The following MYO9A variants were observed in gnomAD, a reference collection of about 807,000 sequenced individuals.
MYO9A encodes unconventional myosin-IXa.
A neutral mutation model predicts 293.3 loss-of-function variants in MYO9A; 103 were observed. That is an observed-to-expected ratio of 0.35 (90% CI 0.30 to 0.41). MYO9A has a LOEUF of 0.41. Ranked by LOEUF, MYO9A falls within the 10% of genes least tolerant of loss-of-function variation. The pLI is 1.00. For missense variants in MYO9A, 2,685 were observed against 3,033.0 expected (o/e 0.89, Z 2.69); for synonymous variants, 1,001 against 1,035.7 (o/e 0.97, Z 0.64).
chr15:72,100,532 C>T (rs929843543), intron 1 of MYO9A, among the ~76,000 whole-genome samples: 5 of 145,840 alleles, frequency 3.4e-5, no homozygotes, highest in Non-Finnish European at 6.0e-5. Context: ...TCTTTCCGGC[C>T]GCCATCACAT....
At chr15:71,984,740 T>A (rs924762807) in intron 11 of MYO9A, among the ~76,000 whole-genome samples, 12 of 152,216 alleles carry the variant, frequency 7.9e-5, no homozygotes, top group Admixed American at 7.9e-4. Flanking sequence ...TTCACAGTAC[T>A]TTTTAGTTCT....
intron 10 of MYO9A, among the ~76,000 whole-genome samples, chr15:71,992,475 G>A (rs1263664836): frequency 3.9e-5 from 6 of 152,154 alleles, no homozygotes; most frequent in Non-Finnish European, 7.4e-5. Context: ...CCTGTACTAA[G>A]AGTATTTTGT....
At chr15:72,108,062 CTTAA>C (rs1361730361) in intron 1 of MYO9A, among the ~76,000 whole-genome samples, 2 of 151,976 alleles carry the variant, frequency 1.3e-5, no homozygotes, top group Non-Finnish European at 1.5e-5. Context: ...TTTTGCAATC[CTTAA>C]TTAAATACCT....
intron 1 of MYO9A, among the ~76,000 whole-genome samples, chr15:72,055,133 T>C (rs913536566): frequency 1.6e-4 from 25 of 152,192 alleles, no homozygotes; most frequent in Admixed American, 1.4e-3. Context: ...AAGAAATAAA[T>C]TATCAGGCTG....
intron 17 of MYO9A, 148 bp downstream of exon 17, chr15:71,935,193 A>G (rs1413676000): frequency 5.8e-6 from 5 of 856,826 alleles, no homozygotes; most frequent in East Asian, 2.7e-5. Flanking sequence ...AACGCTACCT[A>G]AATAACTTTG....
chr15:71,881,684 A>AT (rs1218495004), intron 28 of MYO9A, among the ~76,000 whole-genome samples: 3 of 152,120 alleles, frequency 2.0e-5, no homozygotes, highest in African/African-American at 4.8e-5. Context: ...ACCTTAATAC[A>AT]TTTTTTCCAA....
intron 18 of MYO9A, among the ~76,000 whole-genome samples, chr15:71,919,416 C>T (rs2058096354): frequency 6.6e-6 from 1 of 152,008 alleles, no homozygotes; most frequent in Admixed American, 6.6e-5. Context: ...GCACTCCAGC[C>T]TGGGTGACAG....
At chr15:72,096,257 G>A (rs2150730595) in intron 1 of MYO9A, among the ~76,000 whole-genome samples, 1 of 152,116 alleles carries the variant, frequency 6.6e-6, no homozygotes, top group Middle Eastern at 3.4e-3. Context: ...AGAATCACCT[G>A]AACCCAGGAG....
chr15:72,101,742 G>A (rs1232427901), intron 1 of MYO9A, among the ~76,000 whole-genome samples: 10 of 138,348 alleles, frequency 7.2e-5, no homozygotes, highest in Non-Finnish European at 1.3e-4. Context: ...GGTGAGGGGC[G>A]CCTCTGCCCG....
chr15:72,057,681 C>A (rs752604528), intron 1 of MYO9A, among the ~76,000 whole-genome samples: 2 of 152,212 alleles, frequency 1.3e-5, no homozygotes, highest in Non-Finnish European at 2.9e-5. Flanking sequence ...ACCAGGGCCG[C>A]TAAGCTAGAA....
At chr15:71,990,942 A>G (rs1205217785) in intron 11 of MYO9A, among the ~76,000 whole-genome samples, 161 bp downstream of exon 11, 1 of 152,172 alleles carries the variant, frequency 6.6e-6, no homozygotes, top group African/African-American at 2.4e-5. Flanking sequence ...TCCCAAGCCA[A>G]TTTACTTCGG....
At chr15:72,079,957 A>G (rs1164826252) in intron 1 of MYO9A, among the ~76,000 whole-genome samples, 2 of 152,240 alleles carry the variant, frequency 1.3e-5, no homozygotes, top group African/African-American at 2.4e-5. Flanking sequence ...TTTACCTGTA[A>G]GTATTTAAAA....
intron 7 of MYO9A, among the ~76,000 whole-genome samples, chr15:72,008,219 G>A (rs1380253536): frequency 6.6e-6 from 1 of 152,044 alleles, no homozygotes; most frequent in African/African-American, 2.4e-5. Context: ...TTGTCACAGT[G>A]TTTACAGTGT....
At chr15:72,064,218 T>C (rs927594012) in intron 1 of MYO9A, among the ~76,000 whole-genome samples, 7 of 152,112 alleles carry the variant, frequency 4.6e-5, no homozygotes, top group Admixed American at 4.6e-4. Flanking sequence ...TATAAAAATA[T>C]AGTTAGAATG....
intron 12 of MYO9A, among the ~76,000 whole-genome samples, chr15:71,973,679 C>T (rs1189759585): frequency 6.6e-6 from 1 of 152,106 alleles, no homozygotes; most frequent in Non-Finnish European, 1.5e-5. Flanking sequence ...ATGCAAGCTA[C>T]GTAAGACTAG....
At chr15:71,867,267 T>C (rs758104745) in intron 32 of MYO9A, among the ~76,000 whole-genome samples, 7 of 152,242 alleles carry the variant, frequency 4.6e-5, no homozygotes, top group Non-Finnish European at 1.0e-4. Context: ...GATCGCAATT[T>C]AAATGTAAAA....
At chr15:72,040,924 T>C (rs1202413247) in intron 2 of MYO9A, among the ~76,000 whole-genome samples, 1 of 152,132 alleles carries the variant, frequency 6.6e-6, no homozygotes, top group African/African-American at 2.4e-5. Context: ...TAAATAAATA[T>C]ATTAGAAAAG....
intron 1 of MYO9A, among the ~76,000 whole-genome samples, chr15:72,109,632 T>C (rs1416477298): frequency 6.6e-6 from 1 of 152,092 alleles, no homozygotes; most frequent in Admixed American, 6.6e-5. Context: ...TTCACGCCTG[T>C]AATCACAGCA....
At chr15:72,082,598 G>A (rs984941880) in intron 1 of MYO9A, among the ~76,000 whole-genome samples, 2 of 152,030 alleles carry the variant, frequency 1.3e-5, no homozygotes, top group Non-Finnish European at 2.9e-5. Context: ...GGCAGTGATG[G>A]AGGGCATTCT....
Sources: allele counts gnomAD v4.1 joint callset (sites outside exome capture counted in the v4.1 genomes callset), GRCh38; gene constraint gnomAD v4.1.1; transcripts MANE v1.5; gene names NCBI Gene and HGNC (gene_info 2026-07-23, HGNC 2026-07-21).